AARS2: variants seen among roughly 807,000 people sequenced by gnomAD.
AARS2 encodes the protein alanine--tRNA ligase, mitochondrial.
AARS2 carries 78 observed loss-of-function variants against 119.7 expected under a neutral mutation model. That is an observed-to-expected ratio of 0.65 (90% confidence interval 0.54 to 0.79). The LOEUF (loss-of-function observed/expected upper bound fraction) is 0.79. Among genes scored for constraint, AARS2 ranks in the 30% least tolerant of loss-of-function variants. AARS2 has a pLI of 0.00. For missense variants in AARS2, 1,157 were observed against 1,291.3 expected (o/e 0.90, Z 1.59); for synonymous variants, 502 against 526.3 (o/e 0.95, Z 0.63).
Position 44,305,249 on chromosome 6 carries a change from A to T in AARS2, c.1435-51T>A. ...GAAGTGCATGGAGAATGAAAGAATG[A>T]AAGTGGGACTTCAGCCTCGCAGGGC... On this transcript the variant is annotated intron_variant, in intron 10 of 21. Transcript: ENST00000244571. The surrounding 1 kb of genome is among the most constrained non-coding windows in gnomAD (Gnocchi z 4.6). The T allele has an allele frequency of 6.2e-7, 1 of 1,602,736 alleles. No homozygotes were observed. Among genetic ancestry groups the T allele is most frequent in the Non-Finnish European group, 8.5e-7 (1 of 1,179,596 alleles).
chr6:44,301,527 A>C, intron 19 of AARS2, 63 bp from the exon 20 acceptor site: 2 of 1,446,232 alleles, frequency 1.4e-6, no homozygotes, highest in South Asian at 1.1e-5. Context: ...ATTAGCCCCA[A>C]CTTCTGAACT....
chr6:44,301,928 A>T (rs1368202508), intron 19 of AARS2, 132 bp downstream of exon 19: 4 of 602,938 alleles, frequency 6.6e-6, no homozygotes, highest in Non-Finnish European at 1.0e-5. Context: ...CTCAGCTGGC[A>T]GGAGAAGGAA....
rs765200517 is a variant in AARS2, at chr6:44,300,496, A to G, written c.*51T>C. The G allele has an allele frequency of 3.7e-6, 6 of 1,612,400 alleles. No individual in the cohort carries two copies. The highest frequency in any genetic ancestry group is 5.1e-6 in the Non-Finnish European group (6 of 1,179,286). On this transcript the variant is annotated 3_prime_UTR_variant, in exon 22 of 22. Coordinates refer to ENST00000244571, the MANE Select transcript of AARS2 (RefSeq NM_020745.4). ...GTGGGAAGGTTCTGCTGGCTCCTTC[A>G]GGGCTCCTGGCATTGCCTTTAGTCC...
In AARS2 at chr6:44,307,192, T is replaced by C; in HGVS notation, c.1040+57A>G. ...AGACCCACCTCTCCTGTTCCCTCCCTCCTCCACCTGAGACCCCCAGCAGCC... is the reference window on the plus strand; with the variant it reads ...AGACCCACCTCTCCTGTTCCCTCCCCCCTCCACCTGAGACCCCCAGCAGCC... On this transcript the variant is annotated intron_variant, in intron 6 of 21. Coordinates refer to ENST00000244571, the MANE Select transcript of AARS2 (RefSeq NM_020745.4). The surrounding 1 kb of genome is among the most constrained non-coding windows in gnomAD (Gnocchi z 4.4). The C allele has an allele frequency of 2.5e-6, 4 of 1,611,698 alleles. No homozygotes were observed. The highest frequency in any genetic ancestry group is 3.4e-6 in the Non-Finnish European group (4 of 1,179,012).
intron 14 of AARS2, 32 bp downstream of exon 14, chr6:44,304,149 A>C (rs866528990): frequency 1.2e-6 from 2 of 1,611,782 alleles, no homozygotes; most frequent in African/African-American, 1.3e-5. Flanking sequence ...CTGTCACCTC[A>C]CATGAAGCCT....
rs1177739329 is a variant in AARS2, at chr6:44,305,276, C to G, written c.1435-78G>C. ...AGTGGGACTTCAGCCTCGCAGGGCC[C>G]TGTCCCTGCCACACAGCTGTGGACT... On this transcript the variant is annotated intron_variant, in intron 10 of 21. Transcript: ENST00000244571. This position sits in a 1 kb window ranked among gnomAD's most constrained non-coding sequence, Gnocchi z 4.6. The G allele has an allele frequency of 6.3e-7, 1 of 1,578,404 alleles. No homozygotes were observed. The highest frequency in any genetic ancestry group is 1.7e-5 in the Admixed American group (1 of 59,904).
chr6:44,301,729 A>G (rs1785374336), intron 19 of AARS2, among the ~76,000 whole-genome samples: 1 of 152,190 alleles, frequency 6.6e-6, no homozygotes, highest in African/African-American at 2.4e-5. Flanking sequence ...AGGTGAAAGG[A>G]GGAAGGTCAG....
At position 44,303,127 on chromosome 6, in the gene AARS2, G is replaced by A. The variant is rs946886065; in HGVS notation, c.2194C>T (p.His732Tyr). Residue 732 changes from histidine to tyrosine, a missense_variant, in exon 16 of 22, where the codon CAT (histidine) becomes TAT (tyrosine). By Grantham distance (83) the His-to-Tyr change is moderately conservative. Coordinates refer to ENST00000244571, the MANE Select transcript of AARS2 (RefSeq NM_020745.4). The stretch of plus-strand genomic sequence containing the variant: ...GCTTGGGAGGCTGGGTCCAATGCAT[G>A]GGCCACGGGCACCCCCACTGATACC... ...RVVSVGVPVA[H>Y]ALDPASQAAL... 29 of 1,614,012 alleles carry A rather than the reference G, an allele frequency of 1.8e-5. No homozygotes were observed. The highest frequency in any genetic ancestry group is 2.5e-5 in the Non-Finnish European group (29 of 1,180,046).
At position 44,310,523 on chromosome 6, in the gene AARS2, T is replaced by TG. The variant is rs540341777; in HGVS notation, c.750-81dup. On this transcript the variant is annotated intron_variant, in intron 4 of 21. Transcript: ENST00000244571. ...CAGATGCCCAAGTGGAGTAGAGAAA[T>TG]GGGGGGGGGCCCAAGGGAGCTGACA... 2.4e-3 allele frequency: 3,621 copies of TG among 1,524,958 alleles called. 1 individual carries two copies. The highest frequency in any genetic ancestry group is 6.4e-3 in the African/African-American group (468 of 72,840). The allele number at this position is 1,524,958 out of a possible 1,614,324, so 94.5% of individuals were successfully genotyped here.
intron 7 of AARS2, among the ~76,000 whole-genome samples, 185 bp from the exon 8 acceptor site, chr6:44,306,717 C>T (rs1785887081): frequency 6.6e-6 from 1 of 152,148 alleles, no homozygotes; most frequent in African/African-American, 2.4e-5. Flanking sequence ...AGGTCAAGGG[C>T]TGAGCAGTTT....
At position 44,300,426 on chromosome 6, in the gene AARS2, T is replaced by C. The variant is rs1334020194; in HGVS notation, c.*121A>G. ...AGGCCCTGGCCCAGGTGATCTTCTT[T>C]GGCTCAGCTGCTTGGCCTCCAGCCT... On this transcript the variant is annotated 3_prime_UTR_variant, in exon 22 of 22. Transcript: ENST00000244571. 1.8e-5 allele frequency: 26 copies of C among 1,437,202 alleles called. No individual in the cohort carries two copies. In the Admixed American group the frequency reaches 4.4e-4, roughly 24 times the overall value. 89.0% of individuals were successfully genotyped at this position (1,437,202 alleles called of 1,614,324 possible).
At position 44,310,265 on chromosome 6, in the gene AARS2, G is replaced by C. The variant is rs1199400621; in HGVS notation, c.894+34C>G. ...TGGGGCTGAGGGCTGTGAAGAGCAG[G>C]TTAGAGGGCTTCTGGAAGGGAAGAG... On this transcript the variant is annotated intron_variant, in intron 5 of 21. Coordinates refer to ENST00000244571, the MANE Select transcript of AARS2 (RefSeq NM_020745.4). 15 of 1,566,922 alleles carry C rather than the reference G, an allele frequency of 9.6e-6. No homozygotes were observed. In the Admixed American group the frequency reaches 2.3e-4, roughly 24 times the overall value.
rs1294294865 is a variant in AARS2, at chr6:44,302,180, GA to G, written c.2488-11del. 7 of 1,614,008 alleles carry G rather than the reference GA, an allele frequency of 4.3e-6. No individual in the cohort carries two copies. The highest frequency in any genetic ancestry group is 5.9e-6 in the Non-Finnish European group (7 of 1,179,968). On this transcript the variant is annotated splice_polypyrimidine_tract_variant and intron_variant, in intron 18 of 21. Transcript: ENST00000244571. ...CAGCAGTTTCCACAGCCTATGGCCA[GA>G]AGCAGTACATCACCCCTGCCCTTCC...
Position 44,305,295 on chromosome 6 carries a change from G to A in AARS2, c.1435-97C>T. The A allele has an allele frequency of 6.4e-7, 1 of 1,553,012 alleles. No individual in the cohort carries two copies. The highest frequency in any genetic ancestry group is 8.8e-7 in the Non-Finnish European group (1 of 1,140,722). On this transcript the variant is annotated intron_variant, in intron 10 of 21. Transcript: ENST00000244571. The surrounding 1 kb of genome is among the most constrained non-coding windows in gnomAD (Gnocchi z 4.6). ...AGGGCCCTGTCCCTGCCACACAGCT[G>A]TGGACTCTGCAGCCCTTCTGGAATA...
chr6:44,306,805 C>T (rs1785894820), intron 7 of AARS2, 118 bp downstream of exon 7: 2 of 980,284 alleles, frequency 2.0e-6, no homozygotes, highest in Admixed American at 3.6e-5. Context: ...GGATGCTGGG[C>T]TCGATATTTA....
rs751235289 is a variant in AARS2 at position 44,300,602 on chromosome 6, G to T, written c.2903C>A (p.Thr968Asn). ...RVVAQGTGST[T>N]DLEAALSIAQ... is the part of the protein sequence containing the mutation. ...TATACTGAGGGCAGCTTCCAGGTCA[G>T]TAGTGCTTCCGGTGCCTTGGGCCAC... The change falls in exon 22 of 22, where the codon ACT (threonine) becomes AAT (asparagine). Residue 968 changes from threonine to asparagine, a missense_variant. Physicochemically the swap from Thr to Asn is moderately conservative, Grantham distance 65 (BLOSUM62 0). Transcript: ENST00000244571. 2.5e-6 allele frequency: 4 copies of T among 1,614,092 alleles called. No individual in the cohort carries two copies. The East Asian group carries it at 8.9e-5, about 36-fold the overall frequency.
chr6:44,311,152 A>G lies in AARS2; in HGVS notation c.591T>C (p.Ala197=). Reference sequence around the variant, plus strand: ...GTGGTCCAAAGGAAAGCACACGGCTAGCAGGCACCCTGGGGAGAAAAGCAG... The same window carrying G: ...GTGGTCCAAAGGAAAGCACACGGCTGGCAGGCACCCTGGGGAGAAAAGCAG... ...RDIWLSLGVP[A]SRVLSFGPQE... The change falls in exon 4 of 22, where the codon GCT becomes GCC. Residue 197 remains alanine (A), a synonymous_variant. Coordinates refer to ENST00000244571, the MANE Select transcript of AARS2 (RefSeq NM_020745.4). The G allele has an allele frequency of 6.2e-7, 1 of 1,614,154 alleles. No individual in the cohort carries two copies. Among genetic ancestry groups the G allele is most frequent in the South Asian group, 1.1e-5 (1 of 91,086 alleles).
chr6:44,304,362 G>A (rs529688366), intron 13 of AARS2, 41 bp from the exon 14 acceptor site: 4 of 1,614,184 alleles, frequency 2.5e-6, no homozygotes, highest in Non-Finnish European at 3.4e-6. Context: ...GTGAGGGCAG[G>A]GGGTTGGGAG....
In AARS2 at chr6:44,303,145, C is replaced by G; in HGVS notation, c.2176G>C (p.Val726Leu). The change falls in exon 16 of 22, where the codon GTG becomes CTG. Residue 726 changes from valine (V) to leucine (L), a missense_variant. Transcript: ENST00000244571. ...VYPDPVRVVS[V>L]GVPVAHALDP... ...AATGCATGGGCCACGGGCACCCCCA[C>G]TGATACCACCCGCACAGGGTCTGGG... 2 of 1,614,188 alleles carry G rather than the reference C, an allele frequency of 1.2e-6. No individual in the cohort carries two copies. The highest frequency in any genetic ancestry group is 8.5e-7 in the Non-Finnish European group (1 of 1,180,040).
Sources: gnomAD v4.1 joint callset for allele counts (sites outside exome capture counted in the v4.1 genomes callset) on GRCh38, gnomAD v4.1.1 for gene constraint, Gnocchi (gnomAD v3.1) non-coding constraint, MANE v1.5 for transcripts, NCBI Gene and HGNC (gene_info 2026-07-23, HGNC 2026-07-21) for gene names.